Variants in GALNTL6 observed in about 807,000 individuals in gnomAD.
The protein encoded by GALNTL6 is polypeptide N-acetylgalactosaminyltransferase-like 6.
In GALNTL6, 46 loss-of-function variants were observed where a neutral mutation model predicts 73.7. The observed-to-expected ratio is 0.62, with a 90% CI of 0.49 to 0.80. The LOEUF (loss-of-function observed/expected upper bound fraction) is 0.80. GALNTL6 is among the 30% of genes least tolerant of loss of function. The pLI, the probability that GALNTL6 is intolerant of heterozygous loss-of-function variation, is 0.00. For missense variants in GALNTL6, 604 were observed against 755.0 expected, an observed-to-expected ratio of 0.80 and a Z score of 2.34; for synonymous variants, 259 against 263.7, an observed-to-expected ratio of 0.98 and a Z score of 0.17.
chr4:172,534,605 A>G (rs975048087), intron 5 of GALNTL6, among the ~76,000 whole-genome samples: 9 of 151,550 alleles, frequency 5.9e-5, no homozygotes, highest in Admixed American at 2.0e-4. Flanking sequence ...GTCTCACTCT[A>G]TTGCCTAGGT....
At chr4:172,615,567 C>T (rs183807001) in intron 5 of GALNTL6, among the ~76,000 whole-genome samples, 11 of 152,228 alleles carry the variant, frequency 7.2e-5, no homozygotes, top group Non-Finnish European at 8.8e-5. Context: ...AAGTTCTCCT[C>T]AAAGTGAAAG....
chr4:172,996,355 A>G (rs1159193020), intron 10 of GALNTL6, among the ~76,000 whole-genome samples: 1 of 152,084 alleles, frequency 6.6e-6, no homozygotes, highest in African/African-American at 2.4e-5. Flanking sequence ...ACATGGATGC[A>G]TAGAGGGGAA....
At chr4:172,724,462 A>T (rs190771763) in intron 5 of GALNTL6, among the ~76,000 whole-genome samples, 8 of 152,222 alleles carry the variant, frequency 5.3e-5, no homozygotes, top group Admixed American at 1.3e-4. Flanking sequence ...GAATGACAAC[A>T]CCTTTGTGAA....
chr4:172,373,048 G>A (rs1352834927), intron 5 of GALNTL6, among the ~76,000 whole-genome samples: 1 of 152,202 alleles, frequency 6.6e-6, no homozygotes, highest in Admixed American at 6.5e-5. Flanking sequence ...CTGCTGGCAT[G>A]AGGCTTCCGA....
intron 2 of GALNTL6, among the ~76,000 whole-genome samples, chr4:172,212,401 C>T (rs1270943299): frequency 6.6e-6 from 1 of 152,036 alleles, no homozygotes; most frequent in Non-Finnish European, 1.5e-5. Context: ...ACTTTGTGAT[C>T]CGCCGCCTCA....
intron 5 of GALNTL6, among the ~76,000 whole-genome samples, chr4:172,647,419 A>G (rs995639755): frequency 2.6e-4 from 39 of 152,124 alleles, no homozygotes; most frequent in African/African-American, 8.9e-4. Context: ...TCTTCAATGT[A>G]TTGCTGAAAG....
chr4:172,902,434 C>T (rs539217370), intron 8 of GALNTL6, among the ~76,000 whole-genome samples: 2 of 152,296 alleles, frequency 1.3e-5, no homozygotes, highest in Admixed American at 6.5e-5. Context: ...GTAGGAGATA[C>T]AAAGTCTCAA....
intron 2 of GALNTL6, among the ~76,000 whole-genome samples, chr4:172,130,181 A>AT (rs34151025): frequency 0.51 from 66,038 of 130,024 alleles, 17,373 homozygotes; most frequent in East Asian, 0.85. Context: ...TCATTACAGA[A>AT]TTTTTTTTTT....
At chr4:172,641,396 C>T (rs971871681) in intron 5 of GALNTL6, among the ~76,000 whole-genome samples, 6 of 152,046 alleles carry the variant, frequency 3.9e-5, no homozygotes, top group South Asian at 2.1e-4. Context: ...ATCCCCTTAA[C>T]GCTCTGACCT....
At chr4:172,973,316 AAGAACCATGCC>A (rs1437234741) in intron 10 of GALNTL6, among the ~76,000 whole-genome samples, 6 of 152,232 alleles carry the variant, frequency 3.9e-5, no homozygotes, top group Admixed American at 6.5e-5. Flanking sequence ...CCAGGAAATC[AAGAACCATGCC>A]TGAAATATTC....
chr4:173,005,747 G>T (rs1354524707), intron 10 of GALNTL6, among the ~76,000 whole-genome samples: 2 of 152,146 alleles, frequency 1.3e-5, no homozygotes, highest in Non-Finnish European at 2.9e-5. Context: ...ATATCCAGCT[G>T]CCTACCTTAT....
chr4:172,936,845 C>T (rs1432170789), intron 9 of GALNTL6, among the ~76,000 whole-genome samples: 1 of 152,096 alleles, frequency 6.6e-6, no homozygotes, highest in East Asian at 1.9e-4. Context: ...GTACAGGCTG[C>T]TTCCCAGGTC....
At chr4:172,689,702 C>T (rs949854368) in intron 5 of GALNTL6, among the ~76,000 whole-genome samples, 4 of 152,068 alleles carry the variant, frequency 2.6e-5, no homozygotes, top group Non-Finnish European at 5.9e-5. Flanking sequence ...TGCTTCTTGC[C>T]CTGTCTCTGT....
chr4:171,825,533 G>A (rs1734800218), intron 2 of GALNTL6, among the ~76,000 whole-genome samples: 1 of 151,916 alleles, frequency 6.6e-6, no homozygotes, highest in Admixed American at 6.6e-5. Context: ...ACAAGCCAAA[G>A]GAAATTACAT....
At chr4:172,155,089 C>CT (rs1439009486) in intron 2 of GALNTL6, among the ~76,000 whole-genome samples, 1 of 151,112 alleles carries the variant, frequency 6.6e-6, no homozygotes, top group Non-Finnish European at 1.5e-5. Flanking sequence ...CCTCCGCCTC[C>CT]TAGGTTCAAG....
At chr4:172,134,538 G>T (rs528285023) in intron 2 of GALNTL6, among the ~76,000 whole-genome samples, 1 of 152,214 alleles carries the variant, frequency 6.6e-6, no homozygotes, top group East Asian at 1.9e-4. Flanking sequence ...GTAGAAGAGG[G>T]TATTTTATAA....
At chr4:171,875,029 A>G (rs991218640) in intron 2 of GALNTL6, among the ~76,000 whole-genome samples, 5 of 152,240 alleles carry the variant, frequency 3.3e-5, no homozygotes, top group Admixed American at 2.6e-4. Context: ...AACTATCACC[A>G]TGAAATAGCT....
intron 5 of GALNTL6, among the ~76,000 whole-genome samples, chr4:172,788,928 A>G (rs1739836940): frequency 6.6e-6 from 1 of 152,146 alleles, no homozygotes; most frequent in Admixed American, 6.5e-5. Flanking sequence ...ATATTTACTG[A>G]GTATCTAAGA....
intron 2 of GALNTL6, among the ~76,000 whole-genome samples, chr4:172,126,006 T>C (rs942650793): frequency 6.6e-6 from 1 of 152,116 alleles, no homozygotes; most frequent in African/African-American, 2.4e-5. Context: ...TACAGTATTA[T>C]ATATACACAT....
Sources: allele counts gnomAD v4.1 joint callset (sites outside exome capture counted in the v4.1 genomes callset), GRCh38; gene constraint gnomAD v4.1.1; transcripts MANE v1.5; gene names NCBI Gene and HGNC (gene_info 2026-07-23, HGNC 2026-07-21).